The following MAGI2 variants were observed in gnomAD, a reference collection of about 807,000 sequenced individuals.
MAGI2 encodes membrane associated guanylate kinase, WW and PDZ domain containing 2, also known as membrane-associated guanylate kinase, WW and PDZ domain-containing protein 2.
A neutral mutation model predicts 133.3 loss-of-function variants in MAGI2; 35 were observed. That is an observed-to-expected ratio of 0.26 (90% CI 0.20 to 0.35). The LOEUF is 0.35. MAGI2 is among the 10% of genes least tolerant of loss of function. MAGI2 has a pLI of 1.00. For missense variants in MAGI2, 1,636 were observed against 1,863.4 expected (o/e 0.88, Z 2.25); for synonymous variants, 729 against 710.6 (o/e 1.03, Z -0.41).
chr7:78,540,906 AC>A (rs1178334248), intron 3 of MAGI2, among the ~76,000 whole-genome samples: 2 of 152,176 alleles, frequency 1.3e-5, no homozygotes, highest in East Asian at 1.9e-4. Flanking sequence ...TTGGAGGCAG[AC>A]TTTTCCCCTC....
chr7:78,654,809 T>C (rs1481807621), intron 2 of MAGI2, among the ~76,000 whole-genome samples: 1 of 150,628 alleles, frequency 6.6e-6, no homozygotes, highest in Non-Finnish European at 1.5e-5. Context: ...ATAACATTTG[T>C]ATTTATTGCT....
intron 3 of MAGI2, among the ~76,000 whole-genome samples, chr7:78,580,607 T>C (rs890392576): frequency 1.7e-4 from 26 of 152,194 alleles, no homozygotes; most frequent in African/African-American, 5.8e-4. Context: ...AACTTCCTCA[T>C]GATCATTCAT....
intron 21 of MAGI2, among the ~76,000 whole-genome samples, chr7:78,063,296 C>T (rs1329880938): frequency 6.6e-6 from 1 of 152,104 alleles, no homozygotes; most frequent in African/African-American, 2.4e-5. Flanking sequence ...GGCTGGAGTA[C>T]AGTGGTGCAA....
At position 79,378,926 on chromosome 7, in the gene MAGI2, GTATATATATA is replaced by G. The variant is rs59388508; in HGVS notation, c.301+74084_301+74093del. ...CTTTTATATATATATATGTGTGTGT[GTATATATATA>G]TATATATATATATATATATATATAT... On this transcript the variant is annotated intron_variant, in intron 1 of 21. Transcript: ENST00000354212. 1.3e-3 allele frequency among the ~76,000 whole-genome samples: 121 copies of G among 94,594 alleles called. 1 individual carries two copies. The highest frequency in any genetic ancestry group is 1.9e-3 in the East Asian group (6 of 3,102). 62.1% of individuals were successfully genotyped at this position (94,594 alleles called of 152,430 possible). A position where few individuals can be genotyped will look rare whatever the true frequency, so the allele number is the denominator to read the frequency against.
chr7:78,660,531 A>G (rs959549421), intron 2 of MAGI2, among the ~76,000 whole-genome samples: 3 of 152,196 alleles, frequency 2.0e-5, no homozygotes, highest in Non-Finnish European at 4.4e-5. Flanking sequence ...TAATGCTCAC[A>G]GAAGATTATG....
chr7:78,537,123 G>A (rs1306222036), intron 3 of MAGI2, among the ~76,000 whole-genome samples: 1 of 151,478 alleles, frequency 6.6e-6, no homozygotes, highest in African/African-American at 2.4e-5. Flanking sequence ...CCAGGTTGCT[G>A]GGAATGCCAT....
At chr7:79,235,793 C>T (rs1831872956) in intron 1 of MAGI2, among the ~76,000 whole-genome samples, 1 of 152,230 alleles carries the variant, frequency 6.6e-6, no homozygotes, top group Non-Finnish European at 1.5e-5. Flanking sequence ...CGGAGCTGTT[C>T]CTATTCGGCC....
At chr7:79,042,067 C>T (rs924081731) in intron 1 of MAGI2, among the ~76,000 whole-genome samples, 2 of 152,004 alleles carry the variant, frequency 1.3e-5, no homozygotes, top group Non-Finnish European at 2.9e-5. Context: ...AAGGCATAGA[C>T]TGGGAGAAAA....
At chr7:78,039,868 A>G (rs953438762) in intron 21 of MAGI2, among the ~76,000 whole-genome samples, 1 of 152,214 alleles carries the variant, frequency 6.6e-6, no homozygotes, top group Non-Finnish European at 1.5e-5. Context: ...GTGGGGAGTT[A>G]TTCCAGGGCA....
intron 1 of MAGI2, among the ~76,000 whole-genome samples, chr7:79,032,821 G>A (rs997164832): frequency 2.2e-5 from 3 of 136,160 alleles, no homozygotes; most frequent in Non-Finnish European, 1.6e-5. Flanking sequence ...ATCCAGACAA[G>A]CAACTTTTAA....
intron 2 of MAGI2, among the ~76,000 whole-genome samples, chr7:78,825,192 T>A (rs1584041256): frequency 6.6e-6 from 1 of 152,150 alleles, no homozygotes; most frequent in African/African-American, 2.4e-5. Context: ...TCATGGCACA[T>A]GTATACCTAC....
At chr7:78,320,233 A>G (rs1433963610) in intron 9 of MAGI2, among the ~76,000 whole-genome samples, 2 of 152,144 alleles carry the variant, frequency 1.3e-5, no homozygotes, top group Non-Finnish European at 2.9e-5. Flanking sequence ...ACTATCCCAA[A>G]CAATAGAAAA....
intron 2 of MAGI2, among the ~76,000 whole-genome samples, chr7:78,797,926 T>C (rs1406778924): frequency 6.6e-6 from 1 of 152,116 alleles, no homozygotes; most frequent in Non-Finnish European, 1.5e-5. Context: ...ACATTAATAA[T>C]GTCCATTCTA....
At chr7:79,361,228 CA>C (rs1842357196) in intron 1 of MAGI2, among the ~76,000 whole-genome samples, 1 of 152,056 alleles carries the variant, frequency 6.6e-6, no homozygotes, top group Admixed American at 6.5e-5. Context: ...GAAACTGATA[CA>C]GCTGAAAAGA....
chr7:78,603,637 C>T (rs1805453932), intron 3 of MAGI2, among the ~76,000 whole-genome samples: 1 of 152,152 alleles, frequency 6.6e-6, no homozygotes, highest in Non-Finnish European at 1.5e-5. Flanking sequence ...ATTCTCCTGC[C>T]TCAGTCTCCT....
At chr7:78,501,544 T>A in intron 5 of MAGI2, 33 bp downstream of exon 5, 2 of 1,589,092 alleles carry the variant, frequency 1.3e-6, no homozygotes, top group South Asian at 1.1e-5. Flanking sequence ...TATGACCTTT[T>A]TGGCACTGTT....
chr7:79,076,693 G>A (rs986677984), intron 1 of MAGI2, among the ~76,000 whole-genome samples: 2 of 152,118 alleles, frequency 1.3e-5, no homozygotes, highest in East Asian at 3.8e-4. Flanking sequence ...TTTCTTTTTG[G>A]AAGATAAGCA....
chr7:79,273,581 G>A (rs74567284), intron 1 of MAGI2, among the ~76,000 whole-genome samples: 1,742 of 151,930 alleles, frequency 0.011, 41 homozygotes, highest in African/African-American at 0.038. Flanking sequence ...CCATTTTGTC[G>A]TCAGAATTGT....
chr7:78,142,388 C>T (rs571370254), intron 16 of MAGI2, among the ~76,000 whole-genome samples: 4 of 152,168 alleles, frequency 2.6e-5, no homozygotes, highest in South Asian at 4.2e-4. Flanking sequence ...AGAAAAATCA[C>T]CAACAAGGTG....
Sources: allele counts gnomAD v4.1 joint callset (sites outside exome capture counted in the v4.1 genomes callset), GRCh38; gene constraint gnomAD v4.1.1; transcripts MANE v1.5; gene names NCBI Gene and HGNC (gene_info 2026-07-23, HGNC 2026-07-21).